The following GALNT13 variants were observed in gnomAD, a reference collection of about 807,000 sequenced individuals.
GALNT13 encodes polypeptide N-acetylgalactosaminyltransferase 13, also known as UDP-GalNAc:polypeptide N-acetylgalactosaminyltransferase 13.
Under a neutral mutation model 64.2 loss-of-function variants are expected in GALNT13, and 28 were observed. That is an observed-to-expected ratio of 0.44 (90% CI 0.32 to 0.60). The LOEUF (loss-of-function observed/expected upper bound fraction) is 0.60, where lower values mean the gene tolerates loss of function less well. Ranked by LOEUF, GALNT13 falls within the 20% of genes least tolerant of loss-of-function variation. The pLI is 0.05. For missense variants in GALNT13, 577 were observed against 669.8 expected (o/e 0.86, Z 1.53); for synonymous variants, 214 against 224.6 (o/e 0.95, Z 0.42).
At chr2:153,525,004 A>T in the GALNT13 span, among the ~76,000 whole-genome samples, 1 of 152,128 alleles carries the variant, frequency 6.6e-6, no homozygotes, top group African/African-American at 2.4e-5. Context: ...CTACCTCTTG[A>T]TAGAAGAGGG....
chr2:153,126,614 C>G, the GALNT13 span, among the ~76,000 whole-genome samples: 2 of 152,004 alleles, frequency 1.3e-5, no homozygotes, highest in African/African-American at 4.8e-5. Context: ...GATACTGTTT[C>G]ATTGAAAACT....
intron 9 of GALNT13, among the ~76,000 whole-genome samples, chr2:154,392,104 G>A (rs980261758): frequency 2.0e-5 from 3 of 152,104 alleles, no homozygotes; most frequent in South Asian, 4.1e-4. Flanking sequence ...TGTAAAGAAT[G>A]AAAAAAAGTG....
At chr2:153,372,444 G>A in the GALNT13 span, among the ~76,000 whole-genome samples, 1 of 152,026 alleles carries the variant, frequency 6.6e-6, no homozygotes, top group Non-Finnish European at 1.5e-5. Context: ...TCAAGAGATC[G>A]AGACCATCCT....
At position 154,382,439 on chromosome 2, in the gene GALNT13, C is replaced by G. The variant is rs113220067; in HGVS notation, c.1157-13552C>G. ...GTTAAGTTCAGTTTTTGAAGTGTAT[C>G]TTATGTATGCAATAAATAACTCTGC... On this transcript the variant is annotated intron_variant, in intron 9 of 12. Transcript: ENST00000392825. Among the ~76,000 whole-genome samples, 236 of 152,142 alleles carry G rather than the reference C, an allele frequency of 1.6e-3. 2 individuals are homozygous for G. Among genetic ancestry groups the G allele is most frequent in the African/African-American group, 5.3e-3 (220 of 41,530 alleles).
At chr2:153,516,769 A>C in the GALNT13 span, among the ~76,000 whole-genome samples, 1 of 152,074 alleles carries the variant, frequency 6.6e-6, no homozygotes, top group Non-Finnish European at 1.5e-5. Context: ...ATTAAGCATG[A>C]ATTCCATTTT....
chr2:154,159,558 A>C (rs1684614933), intron 4 of GALNT13, among the ~76,000 whole-genome samples: 1 of 152,204 alleles, frequency 6.6e-6, no homozygotes, highest in African/African-American at 2.4e-5. Flanking sequence ...AAGATGTGAC[A>C]GGCAGAAAAA....
the GALNT13 span, among the ~76,000 whole-genome samples, chr2:153,739,920 A>G: frequency 1.3e-5 from 2 of 151,714 alleles, no homozygotes; most frequent in African/African-American, 4.8e-5. Flanking sequence ...CCTTTATTAA[A>G]TATTTAATAG....
At chr2:153,182,932 T>C in the GALNT13 span, among the ~76,000 whole-genome samples, 1 of 152,232 alleles carries the variant, frequency 6.6e-6, no homozygotes, top group Non-Finnish European at 1.5e-5. Flanking sequence ...TATGAGTGCA[T>C]GTATATAATA....
chr2:153,605,542 C>T, the GALNT13 span, among the ~76,000 whole-genome samples: 1 of 152,014 alleles, frequency 6.6e-6, no homozygotes, highest in Non-Finnish European at 1.5e-5. Flanking sequence ...TTTTCTTTTT[C>T]GTCCAGATTT....
chr2:153,720,403 C>G, the GALNT13 span, among the ~76,000 whole-genome samples: 1 of 151,538 alleles, frequency 6.6e-6, no homozygotes, highest in African/African-American at 2.4e-5. Context: ...ACGCAGAGCG[C>G]CTCTCCTCCT....
chr2:153,805,126 A>G, the GALNT13 span, among the ~76,000 whole-genome samples: 1 of 151,944 alleles, frequency 6.6e-6, no homozygotes. Flanking sequence ...TATTAAAATG[A>G]GAAAAATTTA....
intron 2 of GALNT13, among the ~76,000 whole-genome samples, chr2:153,942,374 A>G (rs1311019857): frequency 6.6e-6 from 1 of 152,228 alleles, no homozygotes; most frequent in African/African-American, 2.4e-5. Flanking sequence ...TCAATGTTAT[A>G]GGTACTTCTC....
chr2:153,178,624 A>G, the GALNT13 span, among the ~76,000 whole-genome samples: 1 of 151,156 alleles, frequency 6.6e-6, no homozygotes, highest in Non-Finnish European at 1.5e-5. Flanking sequence ...TATTGGATGT[A>G]TGGCTTGAAA....
At chr2:153,957,889 A>G (rs1372274895) in intron 3 of GALNT13, among the ~76,000 whole-genome samples, 1 of 152,136 alleles carries the variant, frequency 6.6e-6, no homozygotes, top group Non-Finnish European at 1.5e-5. Flanking sequence ...AGTCATGATG[A>G]GTTAAATCAA....
chr2:153,821,219 A>T, the GALNT13 span, among the ~76,000 whole-genome samples: 1 of 152,294 alleles, frequency 6.6e-6, no homozygotes, highest in African/African-American at 2.4e-5. Context: ...TCTGGACTTA[A>T]GTTCAGCATT....
In GALNT13 at chr2:154,044,072, A is replaced by AAAAAAAT. The variant is rs145128778; in HGVS notation, c.143-96244_143-96238dup. Among the ~76,000 whole-genome samples, 3 of 151,590 alleles carry AAAAAAAT rather than the reference A, an allele frequency of 2.0e-5. 1 individual carries two copies. Among genetic ancestry groups the AAAAAAAT allele is most frequent in the Admixed American group, 2.0e-4 (3 of 15,214 alleles). On this transcript the variant is annotated intron_variant, in intron 3 of 12. Coordinates refer to ENST00000392825, the MANE Select transcript of GALNT13 (RefSeq NM_052917.4). Reference sequence around the variant, plus strand: ...GGGTGACAGAGTTAGACTCTGTCTCAAAAAAATAAAAAATAAAAAATAAAA... The same window carrying AAAAAAAT: ...GGGTGACAGAGTTAGACTCTGTCTCAAAAAAATAAAAAATAAAAAATAAAAAATAAAA...
At chr2:154,137,147 T>C (rs987839339) in intron 3 of GALNT13, among the ~76,000 whole-genome samples, 5 of 142,074 alleles carry the variant, frequency 3.5e-5, no homozygotes, top group Non-Finnish European at 7.4e-5. Flanking sequence ...TTTATGCTAT[T>C]TGAAGAATTA....
chr2:153,270,986 C>T, the GALNT13 span, among the ~76,000 whole-genome samples: 1 of 152,264 alleles, frequency 6.6e-6, no homozygotes, highest in East Asian at 1.9e-4. Flanking sequence ...AAAACGTAAT[C>T]CATCACATAA....
intron 3 of GALNT13, among the ~76,000 whole-genome samples, chr2:154,123,323 T>G (rs1224064716): frequency 6.6e-6 from 1 of 151,968 alleles, no homozygotes; most frequent in African/African-American, 2.4e-5. Context: ...TCTATAAAGT[T>G]ATATCTAAAA....
Sources: allele counts gnomAD v4.1 joint callset (sites outside exome capture counted in the v4.1 genomes callset), GRCh38; gene constraint gnomAD v4.1.1; transcripts MANE v1.5; gene names NCBI Gene and HGNC (gene_info 2026-07-23, HGNC 2026-07-21).